Variants in RASGRP3 observed in about 807,000 individuals in gnomAD.
RASGRP3 encodes the protein ras guanyl-releasing protein 3.
In RASGRP3, 54 loss-of-function variants were observed where a neutral mutation model predicts 82.7. That is an observed-to-expected ratio of 0.65 (90% CI 0.52 to 0.82). The LOEUF (loss-of-function observed/expected upper bound fraction) is 0.82, where lower values mean the gene tolerates loss of function less well. RASGRP3 is among the 40% of genes least tolerant of loss of function. The pLI, the probability that RASGRP3 is intolerant of heterozygous loss-of-function variation, is 0.00. For synonymous variants in RASGRP3, 309 were observed against 300.5 expected (o/e 1.03, Z -0.29); for missense variants, 861 against 828.9 (o/e 1.04, Z -0.48).
intron 2 of RASGRP3, among the ~76,000 whole-genome samples, chr2:33,468,581 T>C (rs1666860931): frequency 2.6e-5 from 4 of 152,132 alleles, no homozygotes; most frequent in Admixed American, 2.6e-4. Context: ...TTTGTATTTT[T>C]AGTACAGACA....
chr2:33,467,996 C>CTTTCTTTCTTTCTT, intron 2 of RASGRP3, among the ~76,000 whole-genome samples: 1 of 87,356 alleles, frequency 1.1e-5, no homozygotes, highest in Non-Finnish European at 2.1e-5. Flanking sequence ...TTCTTTCTTT[C>CTTTCTTTCTTTCTT]TTTCTTTCTT....
At chr2:33,546,284 T>C (rs1333900695) in intron 13 of RASGRP3, among the ~76,000 whole-genome samples, 1 of 151,668 alleles carries the variant, frequency 6.6e-6, no homozygotes, top group Non-Finnish European at 1.5e-5. Context: ...TTAGCCAGGC[T>C]TGGTGGCGGG....
chr2:33,527,485 G>A (rs1672697022), intron 10 of RASGRP3, 73 bp downstream of exon 10: 2 of 1,440,466 alleles, frequency 1.4e-6, no homozygotes, highest in Admixed American at 2.1e-5. Context: ...ACAGGAAGAT[G>A]TGTGCCAGCA....
chr2:33,544,881 A>G (rs550416188), intron 13 of RASGRP3, among the ~76,000 whole-genome samples: 1 of 152,270 alleles, frequency 6.6e-6, no homozygotes, highest in East Asian at 1.9e-4. Context: ...AATTCAACAC[A>G]CCAAGAAAAG....
At chr2:33,493,125 T>C (rs187621052) in intron 1 of RASGRP3, 1 of 152,354 alleles carries the variant, frequency 6.6e-6, no homozygotes, top group Non-Finnish European at 1.5e-5. Context: ...AAGCTATTAA[T>C]AAGAGGCATG....
intron 14 of RASGRP3, among the ~76,000 whole-genome samples, chr2:33,553,342 ATAT>A (rs1238604530): frequency 2.0e-5 from 3 of 152,160 alleles, no homozygotes; most frequent in Non-Finnish European, 2.9e-5. Flanking sequence ...AATGAGAAAA[ATAT>A]TATTACCTAC....
intron 2 of RASGRP3, among the ~76,000 whole-genome samples, chr2:33,514,499 T>C: frequency 1.4e-5 from 1 of 71,118 alleles, no homozygotes. Flanking sequence ...TAAAACCCCA[T>C]CTCTACAAAA....
At chr2:33,560,370 C>T (rs568889861) in intron 17 of RASGRP3, among the ~76,000 whole-genome samples, 18 of 152,274 alleles carry the variant, frequency 1.2e-4, no homozygotes, top group African/African-American at 4.1e-4. Context: ...TGGCCTAGCA[C>T]AGTTCAAGCT....
chr2:33,439,928 T>C (rs1192748773), intron 1 of RASGRP3, among the ~76,000 whole-genome samples: 1 of 152,180 alleles, frequency 6.6e-6, no homozygotes, highest in Non-Finnish European at 1.5e-5. Flanking sequence ...TGGGTTCTGA[T>C]GAAGACAGAG....
intron 1 of RASGRP3, among the ~76,000 whole-genome samples, chr2:33,494,832 C>A (rs1359746870): frequency 6.6e-6 from 1 of 152,158 alleles, no homozygotes; most frequent in African/African-American, 2.4e-5. Context: ...AACCAGAAAT[C>A]TGAGGAAACT....
chr2:33,437,373 T>G (rs2150867779), intron 1 of RASGRP3, among the ~76,000 whole-genome samples: 1 of 152,360 alleles, frequency 6.6e-6, no homozygotes, highest in East Asian at 1.9e-4. Flanking sequence ...TTTAACATTC[T>G]TTGCCATTAA....
intron 10 of RASGRP3, among the ~76,000 whole-genome samples, chr2:33,530,123 A>T (rs1019851697): frequency 3.3e-5 from 5 of 152,242 alleles, no homozygotes; most frequent in Admixed American, 2.6e-4. Context: ...GATTAGACCC[A>T]TATGGCTGAC....
At chr2:33,472,569 G>A (rs1319831331), upstream of RASGRP3, among the ~76,000 whole-genome samples, 1 of 152,202 alleles carries the variant, frequency 6.6e-6, no homozygotes, top group African/African-American at 2.4e-5. Flanking sequence ...GATAGCGGAA[G>A]AGAAGCCCAG....
At chr2:33,464,799 TGTAA>T (rs1273574795) in intron 2 of RASGRP3, among the ~76,000 whole-genome samples, 23 of 152,190 alleles carry the variant, frequency 1.5e-4, no homozygotes, top group Admixed American at 1.5e-3. Flanking sequence ...ATGTTACTAT[TGTAA>T]GTGTTTTGGG....
chr2:33,449,429 G>A (rs1307848786), intron 2 of RASGRP3, among the ~76,000 whole-genome samples: 1 of 152,132 alleles, frequency 6.6e-6, no homozygotes, highest in African/African-American at 2.4e-5. Flanking sequence ...AACCATGTTT[G>A]ATGACATACA....
chr2:33,492,292 G>A (rs1009325160), intron 1 of RASGRP3, among the ~76,000 whole-genome samples: 1 of 152,172 alleles, frequency 6.6e-6, no homozygotes, highest in South Asian at 2.1e-4. Flanking sequence ...TTTGAGTAAA[G>A]GTTATGAAAC....
chr2:33,529,025 C>T (rs949792901), intron 10 of RASGRP3, among the ~76,000 whole-genome samples: 1 of 152,166 alleles, frequency 6.6e-6, no homozygotes, highest in Non-Finnish European at 1.5e-5. Context: ...TGTCTGTGTC[C>T]AAGCTGTCCA....
chr2:33,442,713 A>G (rs954220213), intron 1 of RASGRP3, among the ~76,000 whole-genome samples: 3 of 152,218 alleles, frequency 2.0e-5, no homozygotes, highest in African/African-American at 7.2e-5. Flanking sequence ...TTGTTTTAGT[A>G]ATAATTGACA....
chr2:33,442,181 TG>T lies in RASGRP3; in HGVS notation c.-385+5592del, dbSNP rs1292205026. ...TAGAAATTTCTTAGCCTGGCCAATA[TG>T]GTGAAACTCCATCTCTACTAAAAAT... On this transcript the variant is annotated intron_variant, in intron 1 of 18. Coordinates refer to the RASGRP3 transcript ENST00000402538. Among the ~76,000 whole-genome samples, 6 of 152,300 alleles carry T rather than the reference TG, an allele frequency of 3.9e-5. No homozygotes were observed. The South Asian group carries it at 1.2e-3, about 32-fold the overall frequency.
Sources: allele counts gnomAD v4.1 joint callset (sites outside exome capture counted in the v4.1 genomes callset), GRCh38; gene constraint gnomAD v4.1.1; transcripts MANE v1.5; gene names NCBI Gene and HGNC (gene_info 2026-07-23, HGNC 2026-07-21).